KCNH5: variants seen among roughly 807,000 people sequenced by gnomAD.
KCNH5 encodes the protein voltage-gated delayed rectifier potassium channel KCNH5.
Under a neutral mutation model 96.1 loss-of-function variants are expected in KCNH5, and 46 were observed. That is an observed-to-expected ratio of 0.48 (90% CI 0.38 to 0.61). The LOEUF (loss-of-function observed/expected upper bound fraction) is 0.61, where lower values mean the gene tolerates loss of function less well. Ranked by LOEUF, KCNH5 falls within the 20% of genes least tolerant of loss-of-function variation. The pLI is 0.00. For synonymous variants in KCNH5, 439 were observed against 449.8 expected (o/e 0.98, Z 0.30); for missense variants, 907 against 1,225.8 (o/e 0.74, Z 3.88).
chr14:62,854,622 A>G (rs1887894341), intron 7 of KCNH5, among the ~76,000 whole-genome samples: 2 of 151,946 alleles, frequency 1.3e-5, no homozygotes, highest in Admixed American at 1.3e-4. Context: ...TAGTCAATCC[A>G]TGTACTTTAC....
At chr14:62,943,794 T>C (rs1011984759) in intron 7 of KCNH5, among the ~76,000 whole-genome samples, 2 of 151,532 alleles carry the variant, frequency 1.3e-5, no homozygotes, top group African/African-American at 4.9e-5. Context: ...GCAGACAGAG[T>C]ATGAAAAAAC....
intron 10 of KCNH5, among the ~76,000 whole-genome samples, chr14:62,727,004 C>A (rs886083601): frequency 1.3e-5 from 2 of 152,096 alleles, no homozygotes; most frequent in Admixed American, 6.6e-5. Context: ...AAATGAATAC[C>A]TATTATATGA....
At chr14:62,762,721 C>T (rs1378723403) in intron 10 of KCNH5, among the ~76,000 whole-genome samples, 1 of 150,920 alleles carries the variant, frequency 6.6e-6, no homozygotes, top group Non-Finnish European at 1.5e-5. Flanking sequence ...AACAAACAAA[C>T]AAACACAGAG....
intron 7 of KCNH5, among the ~76,000 whole-genome samples, chr14:62,881,914 C>T (rs1413072304): frequency 6.6e-5 from 10 of 151,896 alleles, no homozygotes; most frequent in Admixed American, 6.6e-4. Context: ...CACTATATGT[C>T]TATCACTCTT....
At chr14:63,003,624 A>ATATATATATATATATT (rs1491457497) in intron 3 of KCNH5, among the ~76,000 whole-genome samples, 4 of 92,816 alleles carry the variant, frequency 4.3e-5, no homozygotes, top group African/African-American at 1.9e-4. Flanking sequence ...ATATATATAT[A>ATATATATATATATATT]TTTTTTTTTT....
At chr14:62,766,508 G>A (rs1885864254) in intron 10 of KCNH5, among the ~76,000 whole-genome samples, 1 of 152,152 alleles carries the variant, frequency 6.6e-6, no homozygotes, top group African/African-American at 2.4e-5. Flanking sequence ...GATAAAGAAT[G>A]AGATCCTGTC....
At chr14:62,746,569 T>G (rs1885380114) in intron 10 of KCNH5, among the ~76,000 whole-genome samples, 2 of 152,244 alleles carry the variant, frequency 1.3e-5, no homozygotes, top group Non-Finnish European at 2.9e-5. Context: ...CCATCTATCC[T>G]GGAAAGAATA....
chr14:62,924,684 A>T (rs772169691), intron 7 of KCNH5, among the ~76,000 whole-genome samples: 19 of 152,000 alleles, frequency 1.3e-4, no homozygotes, highest in Non-Finnish European at 1.8e-4. Flanking sequence ...ATGAACCTGG[A>T]GGACATTATG....
At chr14:62,815,121 A>G (rs1211856754) in intron 8 of KCNH5, among the ~76,000 whole-genome samples, 1 of 152,202 alleles carries the variant, frequency 6.6e-6, no homozygotes, top group Non-Finnish European at 1.5e-5. Flanking sequence ...AGAAGTAACA[A>G]CTATATATAG....
At chr14:63,042,761 C>T (rs980658955) in intron 1 of KCNH5, among the ~76,000 whole-genome samples, 1 of 152,008 alleles carries the variant, frequency 6.6e-6, no homozygotes, top group East Asian at 1.9e-4. Context: ...CGGGATATTC[C>T]CCCGTGAATG....
intron 8 of KCNH5, among the ~76,000 whole-genome samples, chr14:62,826,404 G>A (rs243161): frequency 0.066 from 6,858 of 104,216 alleles, 209 homozygotes; most frequent in East Asian, 0.14. Flanking sequence ...GTGTGCGTGC[G>A]TGCATGTGTG....
intron 7 of KCNH5, among the ~76,000 whole-genome samples, chr14:62,893,923 C>T (rs190472936): frequency 2.7e-4 from 41 of 152,220 alleles, no homozygotes; most frequent in African/African-American, 9.6e-4. Context: ...TAAGAAATTG[C>T]CACAGCCACC....
At chr14:62,962,385 T>C (rs1676057077) in intron 6 of KCNH5, among the ~76,000 whole-genome samples, 1 of 152,124 alleles carries the variant, frequency 6.6e-6, no homozygotes, top group Non-Finnish European at 1.5e-5. Context: ...ATAGCGTTCA[T>C]CAAAACTGCA....
At chr14:62,882,419 G>A (rs1022054767) in intron 7 of KCNH5, among the ~76,000 whole-genome samples, 1 of 152,122 alleles carries the variant, frequency 6.6e-6, no homozygotes, top group African/African-American at 2.4e-5. Context: ...TCCAAGACAT[G>A]CACAACCATG....
intron 10 of KCNH5, among the ~76,000 whole-genome samples, chr14:62,736,571 A>C (rs1263297797): frequency 6.6e-6 from 1 of 152,192 alleles, no homozygotes; most frequent in Non-Finnish European, 1.5e-5. Context: ...CAGCCTTGAG[A>C]TAATGCCCCG....
At chr14:62,888,656 A>AG (rs1472716252) in intron 7 of KCNH5, among the ~76,000 whole-genome samples, 3 of 152,208 alleles carry the variant, frequency 2.0e-5, no homozygotes, top group Admixed American at 2.0e-4. Flanking sequence ...TCTCAGGAGC[A>AG]GGAATAGTGT....
intron 7 of KCNH5, among the ~76,000 whole-genome samples, chr14:62,908,782 ATTTTTTTTTTTTTTTTT>A (rs71120241): frequency 1.3e-4 from 3 of 23,712 alleles, no homozygotes; most frequent in Admixed American, 7.7e-4. Flanking sequence ...TTTGCTTTGT[ATTTTTTTTTTTTTTTTT>A]TTTTTTTTTT....
intron 7 of KCNH5, among the ~76,000 whole-genome samples, chr14:62,854,688 T>A (rs1211841115): frequency 6.6e-6 from 1 of 152,036 alleles, no homozygotes. Context: ...TCTTTTTATA[T>A]GCTCTCCTGC....
chr14:62,982,113 G>A (rs774987202), intron 5 of KCNH5, among the ~76,000 whole-genome samples: 6 of 152,132 alleles, frequency 3.9e-5, no homozygotes, highest in African/African-American at 7.2e-5. Flanking sequence ...GCGAGATCAC[G>A]AGGTCAGGAG....
Sources: allele counts gnomAD v4.1 joint callset (sites outside exome capture counted in the v4.1 genomes callset), GRCh38; gene constraint gnomAD v4.1.1; transcripts MANE v1.5; gene names NCBI Gene and HGNC (gene_info 2026-07-23, HGNC 2026-07-21).